LRRC7: variants seen among roughly 807,000 people sequenced by gnomAD.
The protein encoded by LRRC7 is leucine-rich repeat-containing protein 7.
A neutral mutation model predicts 175.7 loss-of-function variants in LRRC7; 23 were observed. That is an observed-to-expected ratio of 0.13 (90% CI 0.09 to 0.19). LRRC7 has a LOEUF of 0.19. Ranked by LOEUF, LRRC7 falls within the 10% of genes least tolerant of loss-of-function variation. The probability of loss-of-function intolerance (pLI) is 1.00; values close to 1 mark genes in which losing one functional copy is unlikely to be tolerated. For synonymous variants in LRRC7, 685 were observed against 680.9 expected (o/e 1.01, Z -0.09); for missense variants, 1,354 against 1,904.7 (o/e 0.71, Z 5.38).
chr1:69,997,678 G>C lies in LRRC7; in HGVS notation c.1004+3045G>C, dbSNP rs537378174. Among the ~76,000 whole-genome samples the C allele has an allele frequency of 9.5e-5, 14 of 147,322 alleles. No individual in the cohort carries two copies. In the East Asian group the frequency reaches 2.4e-3, roughly 25 times the overall value. On this transcript the variant is annotated intron_variant, in intron 11 of 26. Coordinates refer to ENST00000651989, the MANE Select transcript of LRRC7 (RefSeq NM_001370785.2). The stretch of plus-strand genomic sequence containing the variant: ...GATAATCATGTGGTTTTTGTCTTTG[G>C]TTCTGTTTATATGCTGGATTACATT...
rs1648791075 is a variant in LRRC7, at chr1:69,942,183, CAAGTT to C, written c.711+10618_711+10622del. Among the ~76,000 whole-genome samples the C allele has an allele frequency of 7.2e-5, 11 of 152,144 alleles. No homozygotes were observed. In the South Asian group the frequency reaches 2.3e-3, roughly 32 times the overall value. ...TTCTAAATAAAATGGCTAGCTAGCA[CAAGTT>C]AAGTACACACAGAAATTATTGCAAA... On this transcript the variant is annotated intron_variant, in intron 8 of 26. Coordinates refer to ENST00000651989, the MANE Select transcript of LRRC7 (RefSeq NM_001370785.2).
At chr1:69,585,558 C>T (rs1646370971) in intron 1 of LRRC7, among the ~76,000 whole-genome samples, 1 of 152,228 alleles carries the variant, frequency 6.6e-6, no homozygotes, top group South Asian at 2.1e-4. Flanking sequence ...ATAACTTGCA[C>T]ATAGTGTAAT....
At chr1:69,825,967 T>C in intron 5 of LRRC7, 141 bp downstream of exon 5, 1 of 512,454 alleles carries the variant, frequency 2.0e-6, no homozygotes. Context: ...GAAAAATTAA[T>C]CAGAATAGTT....
At chr1:69,806,034 C>A (rs1262306385) in intron 4 of LRRC7, among the ~76,000 whole-genome samples, 2 of 151,816 alleles carry the variant, frequency 1.3e-5, no homozygotes, top group Non-Finnish European at 2.9e-5. Flanking sequence ...AAAGAGCAAA[C>A]TTAAATGGGC....
At chr1:69,814,313 C>T (rs1177421639) in intron 4 of LRRC7, among the ~76,000 whole-genome samples, 1 of 152,052 alleles carries the variant, frequency 6.6e-6, no homozygotes, top group Non-Finnish European at 1.5e-5. Flanking sequence ...AAATGAAAAT[C>T]ATATTGCTTA....
chr1:69,873,698 A>C, intron 7 of LRRC7: 1 of 246,050 alleles, frequency 4.1e-6, no homozygotes, highest in South Asian at 4.2e-5. Flanking sequence ...TAGTATCTAC[A>C]AAATGTTTGG....
chr1:69,608,807 T>G (rs1329774651), intron 1 of LRRC7, among the ~76,000 whole-genome samples: 1 of 87,654 alleles, frequency 1.1e-5, no homozygotes, highest in Non-Finnish European at 2.2e-5. Flanking sequence ...TAAGTTGCTC[T>G]GTCTGTCTCT....
At chr1:69,884,570 A>G (rs1304099508) in intron 7 of LRRC7, among the ~76,000 whole-genome samples, 3 of 138,872 alleles carry the variant, frequency 2.2e-5, no homozygotes, top group Admixed American at 1.4e-4. Flanking sequence ...AACAGGGACA[A>G]TTTGACTTCC....
chr1:69,922,697 C>G (rs36043709), intron 7 of LRRC7, among the ~76,000 whole-genome samples: 54,920 of 152,096 alleles, frequency 0.36, 12,155 homozygotes, highest in East Asian at 0.55. Flanking sequence ...TACCACTAAT[C>G]TCCATGTTGT....
intron 1 of LRRC7, among the ~76,000 whole-genome samples, chr1:69,629,831 C>T (rs370725208): frequency 1.3e-5 from 2 of 151,866 alleles, no homozygotes; most frequent in Non-Finnish European, 2.9e-5. Context: ...ATTTCTTGTT[C>T]TCATTTTATT....
Position 70,021,097 on chromosome 1 carries a change from A to G in LRRC7, c.1513A>G (p.Lys505Glu). 16 of 1,612,562 alleles carry G rather than the reference A, an allele frequency of 9.9e-6. No individual in the cohort carries two copies. The highest frequency in any genetic ancestry group is 1.4e-5 in the Non-Finnish European group (16 of 1,178,874). Reference protein sequence around the residue: ...MTVAFEFEDKKEDDENAGKVK... With the variant: ...MTVAFEFEDKEEDDENAGKVK... ...TGTTGCCTTTGAATTTGAAGACAAA[A>G]AAGAAGATGACGAAAATGCTGGGAA... The change falls in exon 16 of 27, where the codon AAA becomes GAA. Residue 505 changes from lysine (K) to glutamate (E), a missense_variant. This residue lies in a region of LRRC7 where 1,032 missense variants were observed against 1,227.2 expected (regional missense o/e 0.84). Coordinates refer to ENST00000651989, the MANE Select transcript of LRRC7 (RefSeq NM_001370785.2).
At chr1:69,654,389 C>T (rs1656307005) in intron 1 of LRRC7, among the ~76,000 whole-genome samples, 1 of 151,948 alleles carries the variant, frequency 6.6e-6, no homozygotes. Flanking sequence ...TGATAGTTTA[C>T]CTTTTATTTC....
At position 70,038,661 on chromosome 1, in the gene LRRC7, T is replaced by A. The variant is rs765208920; in HGVS notation, c.2837T>A (p.Val946Asp). The change falls in exon 21 of 27, where the codon GTC becomes GAC. Residue 946 changes from valine (V) to aspartate (D), a missense_variant. By Grantham distance (152) the Val-to-Asp change is radical. This residue lies in a region of LRRC7 where 1,032 missense variants were observed against 1,227.2 expected (regional missense o/e 0.84). Transcript: ENST00000651989. ...DSNPNRSLSN[V>D]FSQIHCRPES... ...AATCCCAACAGGAGTCTTAGTAATG[T>A]CTTTTCTCAAATCCACTGCCGCCCG... The A allele has an allele frequency of 6.2e-7, 1 of 1,614,110 alleles. No homozygotes were observed. The highest frequency in any genetic ancestry group is 1.3e-5 in the African/African-American group (1 of 75,020).
intron 7 of LRRC7, among the ~76,000 whole-genome samples, chr1:69,902,109 T>G (rs924416322): frequency 6.6e-6 from 1 of 152,222 alleles, no homozygotes; most frequent in Non-Finnish European, 1.5e-5. Context: ...CCATTATTAT[T>G]ACTAATTGGG....
At chr1:70,117,014 G>A (rs1164231766) in intron 26 of LRRC7, among the ~76,000 whole-genome samples, 1 of 152,106 alleles carries the variant, frequency 6.6e-6, no homozygotes, top group African/African-American at 2.4e-5. Context: ...AAGAGCTGTA[G>A]GCATTCAAAG....
chr1:69,880,394 G>A (rs539536732), intron 7 of LRRC7, among the ~76,000 whole-genome samples: 68 of 152,304 alleles, frequency 4.5e-4, no homozygotes, highest in Non-Finnish European at 7.5e-4. Context: ...TGGGGTAGAC[G>A]TGATGTCAGG....
At chr1:69,646,615 G>T (rs1010363900) in intron 1 of LRRC7, among the ~76,000 whole-genome samples, 1 of 152,110 alleles carries the variant, frequency 6.6e-6, no homozygotes, top group Non-Finnish European at 1.5e-5. Flanking sequence ...GGAAGCTGCT[G>T]CCATTAAAGA....
intron 26 of LRRC7, among the ~76,000 whole-genome samples, chr1:70,116,430 C>G (rs1044824895): frequency 2.0e-5 from 3 of 151,968 alleles, no homozygotes; most frequent in African/African-American, 4.8e-5. Flanking sequence ...GCCTGTAGTC[C>G]CAGCTACTCG....
chr1:69,757,012 G>C (rs1415439265), intron 2 of LRRC7, among the ~76,000 whole-genome samples: 1 of 151,996 alleles, frequency 6.6e-6, no homozygotes, highest in Non-Finnish European at 1.5e-5. Context: ...GTTATTATGT[G>C]TGGGGAGCAT....
Sources: allele counts gnomAD v4.1 joint callset (sites outside exome capture counted in the v4.1 genomes callset), GRCh38; gene constraint gnomAD v4.1.1; regional missense constraint gnomAD v4.1.1; transcripts MANE v1.5; gene names NCBI Gene and HGNC (gene_info 2026-07-23, HGNC 2026-07-21).